NISCH: variants seen among roughly 807,000 people sequenced by gnomAD.
NISCH encodes nischarin.
Under a neutral mutation model 138.4 loss-of-function variants are expected in NISCH, and 55 were observed. The ratio of observed to expected loss-of-function variants is 0.40; its 90% CI spans 0.32 to 0.50. The LOEUF (loss-of-function observed/expected upper bound fraction) is 0.50. Ranked by LOEUF, NISCH falls within the 20% of genes least tolerant of loss-of-function variation. The pLI is 0.71. For synonymous variants in NISCH, 860 were observed against 861.5 expected, an observed-to-expected ratio of 1.00 and a Z score of 0.03; for missense variants, 1,643 against 2,005.5, an observed-to-expected ratio of 0.82 and a Z score of 3.45.
chr3:52,467,189 C>T (rs1348368817), intron 3 of NISCH, among the ~76,000 whole-genome samples: 4 of 151,818 alleles, frequency 2.6e-5, no homozygotes, highest in Non-Finnish European at 5.9e-5. Context: ...TTAGTAGAGA[C>T]GGGGTTTCAC....
At chr3:52,474,760 T>A (rs1707053867) in intron 7 of NISCH, among the ~76,000 whole-genome samples, 1 of 152,194 alleles carries the variant, frequency 6.6e-6, no homozygotes, top group Non-Finnish European at 1.5e-5. Context: ...AACAAATTGC[T>A]AAGCTGTGGC....
At position 52,492,600 on chromosome 3, in the gene NISCH, C is replaced by A. The variant is rs1707600487; in HGVS notation, c.*118C>A. ...TTTGGTACCTTAATTTGACTGTCCTCGCAGAGAATGTGAACATGTGTGTGT... is the reference window on the plus strand; with the variant it reads ...TTTGGTACCTTAATTTGACTGTCCTAGCAGAGAATGTGAACATGTGTGTGT... On this transcript the variant is annotated 3_prime_UTR_variant, in exon 21 of 21. Coordinates refer to ENST00000345716, the MANE Select transcript of NISCH (RefSeq NM_007184.4). 1.6e-6 allele frequency: 2 copies of A among 1,233,492 alleles called. No individual in the cohort carries two copies. Among genetic ancestry groups the A allele is most frequent in the South Asian group, 1.6e-5 (1 of 63,606 alleles). 76.4% of individuals were successfully genotyped at this position (1,233,492 alleles called of 1,614,324 possible).
At chr3:52,459,833 A>G (rs539182581) in intron 3 of NISCH, among the ~76,000 whole-genome samples, 21 of 152,246 alleles carry the variant, frequency 1.4e-4, no homozygotes, top group Admixed American at 4.6e-4. Flanking sequence ...TAGTCATTCC[A>G]GGATTGTAAC....
chr3:52,490,208 G>A lies in NISCH; in HGVS notation c.3590G>A (p.Arg1197His), dbSNP rs1479462615. 17 of 1,612,842 alleles carry A rather than the reference G, an allele frequency of 1.1e-5. No individual in the cohort carries two copies. Among genetic ancestry groups the A allele is most frequent in the South Asian group, 3.3e-5 (3 of 91,078 alleles). ...VYFVLHDGLR[R>H]YFSEPLQDFW... is the part of the protein sequence containing the mutation. ...TTTGTGCTCCACGACGGCCTCCGCCGCTACTTCTCAGAGCCACTGCAGGGT... is the reference window on the plus strand; with the variant it reads ...TTTGTGCTCCACGACGGCCTCCGCCACTACTTCTCAGAGCCACTGCAGGGT... Residue 1197 changes from arginine to histidine, a missense_variant, in exon 18 of 21, where the codon CGC (arginine) becomes CAC (histidine). Coordinates refer to ENST00000345716, the MANE Select transcript of NISCH (RefSeq NM_007184.4).
intron 7 of NISCH, chr3:52,475,770 C>G (rs767843495): frequency 2.6e-5 from 4 of 152,248 alleles, no homozygotes; most frequent in Non-Finnish European, 5.9e-5. Context: ...CTTGTGCCTG[C>G]GAGTTTGAGG....
intron 16 of NISCH, 36 bp downstream of exon 16, chr3:52,488,641 C>A: frequency 6.5e-7 from 1 of 1,540,200 alleles, no homozygotes; most frequent in Admixed American, 1.8e-5. Flanking sequence ...GCCCCGGGGG[C>A]ATGGGTCTGG....
intron 8 of NISCH, 48 bp from the exon 9 acceptor site, chr3:52,477,526 G>A: frequency 6.6e-7 from 1 of 1,522,504 alleles, no homozygotes; most frequent in Non-Finnish European, 9.1e-7. Context: ...GACCGTGTTT[G>A]GGGTCCAGCC....
Position 52,492,083 on chromosome 3 carries a change from A to G in NISCH, c.4116A>G (p.Thr1372=). 1 of 1,611,132 alleles carries G rather than the reference A, an allele frequency of 6.2e-7. No individual in the cohort carries two copies. Among genetic ancestry groups the G allele is most frequent in the Non-Finnish European group, 8.5e-7 (1 of 1,179,436 alleles). The change falls in exon 21 of 21, where the codon ACA becomes ACG. Residue 1372 remains threonine (T), a synonymous_variant. Transcript: ENST00000345716. ...GCAGGGGCCCCCTGCGCCCCAAGAC[A>G]CTCCTGCTCACCAGCTCCGAGATCT... is the stretch of plus-strand genomic sequence containing the variant. ...GCCRGPLRPK[T]LLLTSSEIFL... is the part of the protein sequence containing the mutation.
chr3:52,462,316 A>C (rs188478122), intron 3 of NISCH, among the ~76,000 whole-genome samples: 143 of 152,304 alleles, frequency 9.4e-4, no homozygotes, highest in Non-Finnish European at 1.6e-3. Context: ...GTTTAGCAGC[A>C]CCCTGGCTTC....
At chr3:52,480,522 C>G in intron 13 of NISCH, 2 of 1,505,540 alleles carry the variant, frequency 1.3e-6, no homozygotes, top group Non-Finnish European at 1.8e-6. Context: ...TGCTCTGATG[C>G]CCACATCCAG....
Position 52,489,427 on chromosome 3 carries a change from T to G in NISCH, c.3205T>G (p.Ser1069Ala), listed in dbSNP as rs1039583280. 1 of 1,604,010 alleles carries G rather than the reference T, an allele frequency of 6.2e-7. No individual in the cohort carries two copies. Among genetic ancestry groups the G allele is most frequent in the African/African-American group, 1.3e-5 (1 of 74,708 alleles). Residue 1069 changes from serine to alanine, a missense_variant, in exon 17 of 21, where the codon TCA becomes GCA. Coordinates refer to ENST00000345716, the MANE Select transcript of NISCH (RefSeq NM_007184.4). ...TCCAGCCCCTGCAGCAGCCTCAGCC[T>G]CAGGCCCAGCGAAGACTCCGGCCCC... The part of the protein sequence containing the change: ...PAPAPAAASA[S>A]GPAKTPAPAE...
Position 52,478,179 on chromosome 3 carries a change from T to C in NISCH, c.1070T>C (p.Ile357Thr). Reference sequence around the variant, plus strand: ...GGGCTTCACACCAAGCTGGGGAACATCAAGACCTTAAACCTGGCAGGCAAC... The same window carrying C: ...GGGCTTCACACCAAGCTGGGGAACACCAAGACCTTAAACCTGGCAGGCAAC... ...LEGLHTKLGN[I>T]KTLNLAGNLL... is the part of the protein sequence containing the mutation. The change falls in exon 10 of 21, where the codon ATC becomes ACC. Residue 357 changes from isoleucine (I) to threonine (T), a missense_variant. Physicochemically the swap from Ile to Thr is moderately conservative, Grantham distance 89. Transcript: ENST00000345716. The C allele has an allele frequency of 1.2e-6, 2 of 1,614,032 alleles. No individual in the cohort carries two copies. The highest frequency in any genetic ancestry group is 1.7e-6 in the Non-Finnish European group (2 of 1,179,998).
In NISCH at chr3:52,477,637, C is replaced by G; in HGVS notation, c.982C>G (p.Leu328Val). The G allele has an allele frequency of 1.9e-6, 3 of 1,613,480 alleles. No homozygotes were observed. The highest frequency in any genetic ancestry group is 2.5e-6 in the Non-Finnish European group (3 of 1,179,340). Reference protein sequence around the residue: ...SHNGLLVVDNLQHLYNLVHLD... With the variant: ...SHNGLLVVDNVQHLYNLVHLD... ...CAATGGATTGCTGGTTGTGGACAAT[C>G]TGCAGGTAGTGCCTTTGGAGACCAG... The change falls in exon 9 of 21, where the codon CTG becomes GTG. Residue 328 changes from leucine to valine, a missense_variant. Transcript: ENST00000345716.
At chr3:52,474,836 A>G (rs895852997) in intron 7 of NISCH, among the ~76,000 whole-genome samples, 1 of 152,124 alleles carries the variant, frequency 6.6e-6, no homozygotes, top group Non-Finnish European at 1.5e-5. Flanking sequence ...AGCTTTAGCA[A>G]TCCCTGGCTA....
rs375540569 is a variant in NISCH, at chr3:52,487,694, C to T, written c.2202C>T (p.Phe734=). ...QFAACLVLTD[F]GIAVFEIPHQ... is the part of the protein sequence containing the mutation. Reference sequence around the variant, plus strand: ...CCGCCTGCCTTGTGCTCACCGACTTCGGCATCGCAGTCTTCGAGATCCCGC... The same window carrying T: ...CCGCCTGCCTTGTGCTCACCGACTTTGGCATCGCAGTCTTCGAGATCCCGC... Residue 734 remains phenylalanine, a synonymous_variant, in exon 16 of 21, where the codon TTC becomes TTT. Coordinates refer to ENST00000345716, the MANE Select transcript of NISCH (RefSeq NM_007184.4). The surrounding 1 kb of genome is among the most constrained non-coding windows in gnomAD (Gnocchi z 9.1). 1.7e-4 allele frequency: 269 copies of T among 1,613,726 alleles called. 1 individual carries two copies. The highest frequency in any genetic ancestry group is 1.6e-3 in the Middle Eastern group (10 of 6,062).
chr3:52,483,554 G>A (rs1707331000), intron 13 of NISCH, among the ~76,000 whole-genome samples: 1 of 152,248 alleles, frequency 6.6e-6, no homozygotes, highest in Admixed American at 6.5e-5. Context: ...GGAACACTGT[G>A]CATTTACGGG....
At position 52,487,914 on chromosome 3, in the gene NISCH, C is replaced by T. The variant is rs1707450126; in HGVS notation, c.2422C>T (p.Arg808Cys). The T allele has an allele frequency of 3.1e-6, 5 of 1,611,808 alleles. No homozygotes were observed. Among genetic ancestry groups the T allele is most frequent in the Non-Finnish European group, 3.4e-6 (4 of 1,179,950 alleles). The change falls in exon 16 of 21, where the codon CGC (arginine) becomes TGC (cysteine). Residue 808 changes from arginine to cysteine, a missense_variant. Physicochemically the swap from Arg to Cys is radical, Grantham distance 180. Transcript: ENST00000345716. The surrounding 1 kb of genome is among the most constrained non-coding windows in gnomAD (Gnocchi z 9.1). ...CCTGCACGAGTTCCACGCGGACCTG[C>T]GCTCATGCTTTGCACCCCAGCACAT... ...ANLHEFHADL[R>C]SCFAPQHMAM... is the part of the protein sequence containing the mutation.
chr3:52,468,174 A>G (rs1161731744), intron 3 of NISCH, among the ~76,000 whole-genome samples: 1 of 152,096 alleles, frequency 6.6e-6, no homozygotes, highest in Non-Finnish European at 1.5e-5. Flanking sequence ...CAGGAGAATC[A>G]CTTGAACCCA....
chr3:52,466,703 TGCCAAGCCGAAGCATCTAG>T (rs1209371998), intron 3 of NISCH, among the ~76,000 whole-genome samples: 7 of 152,144 alleles, frequency 4.6e-5, no homozygotes, highest in Admixed American at 4.6e-4. Context: ...CCTGGGTGTG[TGCCAAGCCGAAGCATCTAG>T]GCCTGGCCTG....
Sources: allele counts gnomAD v4.1 joint callset (sites outside exome capture counted in the v4.1 genomes callset), GRCh38; gene constraint gnomAD v4.1.1; non-coding constraint Gnocchi (gnomAD v3.1); transcripts MANE v1.5; gene names NCBI Gene and HGNC (gene_info 2026-07-23, HGNC 2026-07-21).